Variants in TSPAN2 observed in about 807,000 individuals in gnomAD.
TSPAN2 encodes the protein tetraspanin-2.
Under a neutral mutation model 33.3 loss-of-function variants are expected in TSPAN2, and 24 were observed. That is an observed-to-expected ratio of 0.72 (90% CI 0.52 to 1.01). The LOEUF is 1.01. TSPAN2 is among the 50% of genes least tolerant of loss of function. The probability of loss-of-function intolerance (pLI) is 0.00; values close to 1 mark genes in which losing one functional copy is unlikely to be tolerated. For missense variants in TSPAN2, 278 were observed against 281.3 expected (o/e 0.99, Z 0.08); for synonymous variants, 114 against 104.5 (o/e 1.09, Z -0.56).
At chr1:115,062,104 A>AATAACCCCCC in intron 3 of TSPAN2, 31 bp downstream of exon 3, 1 of 832,520 alleles carries the variant, frequency 1.2e-6, no homozygotes. Flanking sequence ...CCTCACCCCC[A>AATAACCCCCC]CCCCACCATT....
rs999264616 is a variant in TSPAN2 at position 115,049,579 on chromosome 1, T to C, written c.*911A>G. On this transcript the variant is annotated 3_prime_UTR_variant, in exon 8 of 8. Transcript: ENST00000369516. The stretch of plus-strand genomic sequence containing the variant: ...CCACAATTTTCAACTGCCAGATCTC[T>C]TGCTTTAGTCTTTTTTCCTTATATT... The C allele has an allele frequency of 6.6e-6, 1 of 152,614 alleles. No individual in the cohort carries two copies. The highest frequency in any genetic ancestry group is 1.5e-5 in the Non-Finnish European group (1 of 67,990). 9.5% of individuals were successfully genotyped at this position (152,614 alleles called of 1,614,324 possible).
chr1:115,069,309 G>A (rs941301911), intron 2 of TSPAN2, among the ~76,000 whole-genome samples: 1 of 152,158 alleles, frequency 6.6e-6, no homozygotes, highest in African/African-American at 2.4e-5. Flanking sequence ...GGTTTGAGAG[G>A]GCTGACTCAC....
At chr1:115,062,681 G>A (rs941180104) in intron 2 of TSPAN2, among the ~76,000 whole-genome samples, 1 of 152,196 alleles carries the variant, frequency 6.6e-6, no homozygotes, top group Non-Finnish European at 1.5e-5. Context: ...TATGGGACTT[G>A]GCACTTGTCT....
At chr1:115,069,108 C>T (rs1000870050) in intron 2 of TSPAN2, among the ~76,000 whole-genome samples, 13 of 152,224 alleles carry the variant, frequency 8.5e-5, no homozygotes, top group African/African-American at 2.7e-4. Context: ...CCACCAACCA[C>T]TCTGGGCTGC....
intron 1 of TSPAN2, among the ~76,000 whole-genome samples, chr1:115,073,268 T>C (rs1366997966): frequency 6.6e-6 from 1 of 152,152 alleles, no homozygotes; most frequent in African/African-American, 2.4e-5. Context: ...GGCTGCCCTG[T>C]GGTTATGGGG....
chr1:115,070,872 A>G (rs1244941705), intron 2 of TSPAN2, among the ~76,000 whole-genome samples: 1 of 152,218 alleles, frequency 6.6e-6, no homozygotes. Context: ...ATTACAAGTT[A>G]CATGGGGGCG....
At chr1:115,081,633 C>T (rs767223986) in intron 1 of TSPAN2, among the ~76,000 whole-genome samples, 57 of 152,208 alleles carry the variant, frequency 3.7e-4, no homozygotes, top group Non-Finnish European at 6.6e-4. Flanking sequence ...CACTTAACCT[C>T]TCTAACCCCA....
intron 1 of TSPAN2, 80 bp from the exon 2 acceptor site, chr1:115,073,087 A>T (rs1553218833): frequency 4.1e-6 from 5 of 1,228,492 alleles, no homozygotes; most frequent in East Asian, 2.3e-5. Context: ...TAGGCACAGG[A>T]TGCTGACAAG....
chr1:115,059,039 C>T, intron 4 of TSPAN2, 58 bp from the exon 5 acceptor site: 1 of 1,333,100 alleles, frequency 7.5e-7, no homozygotes, highest in African/African-American at 1.5e-5. Context: ...AAACATTCTC[C>T]TTTCATCAAG....
chr1:115,071,464 G>C (rs1648174110), intron 2 of TSPAN2, among the ~76,000 whole-genome samples: 1 of 152,136 alleles, frequency 6.6e-6, no homozygotes, highest in South Asian at 2.1e-4. Flanking sequence ...AAGAACCTGG[G>C]CCTTTGATGA....
chr1:115,085,796 C>T (rs1453664421), intron 1 of TSPAN2, among the ~76,000 whole-genome samples: 2 of 152,046 alleles, frequency 1.3e-5, no homozygotes, highest in Admixed American at 6.6e-5. Flanking sequence ...GTTTCAGTTG[C>T]CTCTTCGCTC....
chr1:115,078,704 T>C (rs1648508021), intron 1 of TSPAN2, among the ~76,000 whole-genome samples: 1 of 152,216 alleles, frequency 6.6e-6, no homozygotes, highest in African/African-American at 2.4e-5. Flanking sequence ...CTCTGACTTC[T>C]AGTCTCCAGA....
intron 1 of TSPAN2, among the ~76,000 whole-genome samples, chr1:115,083,238 G>A (rs1648697574): frequency 6.6e-6 from 1 of 152,146 alleles, no homozygotes; most frequent in Admixed American, 6.5e-5. Flanking sequence ...TGTCAAGGTT[G>A]GGGGATAGAG....
At chr1:115,079,156 C>CACAT (rs1398058401) in intron 1 of TSPAN2, among the ~76,000 whole-genome samples, 1 of 149,528 alleles carries the variant, frequency 6.7e-6, no homozygotes, top group African/African-American at 2.4e-5. Context: ...CACACACACA[C>CACAT]ACACACACAC....
chr1:115,048,403 A>G lies in TSPAN2; in HGVS notation c.*2087T>C, dbSNP rs1451949963. On this transcript the variant is annotated 3_prime_UTR_variant, in exon 8 of 8. Transcript: ENST00000369516. ...TGTTGCTTAGTGGTGGAATTCTCTAATTTTACTCATACGCATATTTTGGAA... is the reference window on the plus strand; with the variant it reads ...TGTTGCTTAGTGGTGGAATTCTCTAGTTTTACTCATACGCATATTTTGGAA... 1 of 151,452 alleles carries G rather than the reference A, an allele frequency of 6.6e-6. No individual in the cohort carries two copies. Among genetic ancestry groups the G allele is most frequent in the Non-Finnish European group, 1.5e-5 (1 of 67,764 alleles). 9.4% of individuals were successfully genotyped at this position (151,452 alleles called of 1,614,324 possible). A position where few individuals can be genotyped will look rare whatever the true frequency, so the allele number is the denominator to read the frequency against.
At chr1:115,060,587 T>G (rs1308510298) in intron 3 of TSPAN2, 49 bp from the exon 4 acceptor site, 2 of 1,470,582 alleles carry the variant, frequency 1.4e-6, no homozygotes, top group South Asian at 2.4e-5. Flanking sequence ...ACCTTTTCAA[T>G]TTATATATTT....
In TSPAN2 at chr1:115,057,464, T is replaced by C. The variant is rs1275041609; in HGVS notation, c.516+73A>G. 14 of 1,432,536 alleles carry C rather than the reference T, an allele frequency of 9.8e-6. No homozygotes were observed. The East Asian group carries it at 3.2e-4, about 33-fold the overall frequency. 88.7% of individuals were successfully genotyped at this position (1,432,536 alleles called of 1,614,324 possible). On this transcript the variant is annotated intron_variant, in intron 6 of 7. Coordinates refer to ENST00000369516, the MANE Select transcript of TSPAN2 (RefSeq NM_005725.6). ...AGTAAAATGCAGATCCCATCCGAGA[T>C]TCTACCTTCAATGGCTTCCTAAGCT... is the stretch of plus-strand genomic sequence containing the variant.
At chr1:115,089,265 G>A in intron 1 of TSPAN2, 99 bp downstream of exon 1, 3 of 1,082,624 alleles carry the variant, frequency 2.8e-6, no homozygotes, top group South Asian at 1.6e-5. Context: ...CTCCCCACGA[G>A]CGCGACTCGG....
At chr1:115,059,108 T>G in intron 4 of TSPAN2, 127 bp from the exon 5 acceptor site, 1 of 755,522 alleles carries the variant, frequency 1.3e-6, no homozygotes, top group Non-Finnish European at 2.2e-6. Flanking sequence ...AATGATACAA[T>G]GGACTTTGGG....
Sources: gnomAD v4.1 joint callset for allele counts (sites outside exome capture counted in the v4.1 genomes callset) on GRCh38, gnomAD v4.1.1 for gene constraint, MANE v1.5 for transcripts, NCBI Gene and HGNC (gene_info 2026-07-23, HGNC 2026-07-21) for gene names.